The following ZC3H12B variants were observed in gnomAD, a reference collection of about 807,000 sequenced individuals.
The protein encoded by ZC3H12B is probable ribonuclease ZC3H12B.
ZC3H12B carries 7 observed loss-of-function variants against 43.9 expected under a neutral mutation model. That is an observed-to-expected ratio of 0.16 (90% CI 0.09 to 0.30). The LOEUF is 0.30. Among genes scored for constraint, ZC3H12B ranks in the 10% least tolerant of loss-of-function variants. The pLI is 1.00. For missense variants in ZC3H12B, 475 were observed against 670.2 expected (o/e 0.71, Z 3.22); for synonymous variants, 222 against 241.7 (o/e 0.92, Z 0.76).
chrX:65,177,489 GTC>G, the ZC3H12B span, among the ~76,000 whole-genome samples: 1 of 112,126 alleles, frequency 8.9e-6, no homozygotes, highest in East Asian at 2.8e-4. Flanking sequence ...AAGTCAAATT[GTC>G]TCTGTTTGCA....
At chrX:65,092,887 G>A in the ZC3H12B span, among the ~76,000 whole-genome samples, 32 of 112,142 alleles carry the variant, frequency 2.9e-4, 1 homozygote, top group South Asian at 1.5e-3. Context: ...TGAGGCAATT[G>A]CTGATAACCA....
At chrX:65,118,658 T>G in the ZC3H12B span, among the ~76,000 whole-genome samples, 1 of 110,390 alleles carries the variant, frequency 9.1e-6, no homozygotes, top group Non-Finnish European at 1.9e-5. Flanking sequence ...TTTTTTTTTG[T>G]TTTTTATTAT....
chrX:65,344,413 G>C, the ZC3H12B span, among the ~76,000 whole-genome samples: 5 of 111,495 alleles, frequency 4.5e-5, no homozygotes, highest in African/African-American at 1.6e-4. Context: ...CAGAAATAAG[G>C]CTGCACACCT....
At chrX:65,310,941 A>G in the ZC3H12B span, among the ~76,000 whole-genome samples, 2 of 112,451 alleles carry the variant, frequency 1.8e-5, no homozygotes, top group African/African-American at 6.5e-5. Context: ...CTGGCTAGCC[A>G]TATGTAGAAA....
At chrX:65,361,886 G>T (rs1437883941), upstream of ZC3H12B, among the ~76,000 whole-genome samples, 1 of 112,219 alleles carries the variant, frequency 8.9e-6, no homozygotes, top group Admixed American at 9.4e-5. Context: ...TGCCTCCACT[G>T]CGAGACAAAC....
chrX:65,385,777 C>G lies in ZC3H12B; in HGVS notation n.296-12816C>G, dbSNP rs190284663. On this transcript the variant is annotated intron_variant and non_coding_transcript_variant, in intron 2 of 5. Transcript: ENST00000617377. ...GCCTATTCAGTATGACATTGGCTGT[C>G]GGTTTGTCATAAATAGCTCTTATTA... Among the ~76,000 whole-genome samples, 23 of 111,570 alleles carry G rather than the reference C, an allele frequency of 2.1e-4. No homozygotes were observed. The East Asian group carries it at 4.8e-3, about 23-fold the overall frequency.
chrX:65,299,766 T>A, the ZC3H12B span, among the ~76,000 whole-genome samples: 7 of 112,151 alleles, frequency 6.2e-5, no homozygotes, highest in Admixed American at 6.6e-4. Flanking sequence ...GCTGAGAGAA[T>A]CCTCAGACCC....
chrX:65,300,384 C>T, the ZC3H12B span, among the ~76,000 whole-genome samples: 3 of 111,584 alleles, frequency 2.7e-5, no homozygotes, highest in African/African-American at 9.8e-5. Flanking sequence ...TGAGGCCTCT[C>T]CTGGCTTTCT....
chrX:65,147,594 A>C, the ZC3H12B span, among the ~76,000 whole-genome samples: 124 of 110,120 alleles, frequency 1.1e-3, no homozygotes, highest in South Asian at 5.1e-3. Flanking sequence ...TGGAGCTTGA[A>C]TCCATGTTTG....
At chrX:65,194,344 T>C in the ZC3H12B span, among the ~76,000 whole-genome samples, 1 of 108,795 alleles carries the variant, frequency 9.2e-6, no homozygotes, top group African/African-American at 3.3e-5. Context: ...TGTATACATA[T>C]GTAACTAACC....
chrX:65,090,205 T>C, the ZC3H12B span, among the ~76,000 whole-genome samples: 2 of 112,159 alleles, frequency 1.8e-5, no homozygotes, highest in Non-Finnish European at 3.8e-5. Flanking sequence ...TGCCTTGTGC[T>C]ACATTGTTGC....
intron 2 of ZC3H12B, among the ~76,000 whole-genome samples, chrX:65,392,023 T>G: frequency 9.0e-6 from 1 of 111,650 alleles, no homozygotes. Context: ...TGCCTCAGCC[T>G]CCCGAGGTGC....
chrX:65,056,702 CCATT>C, the ZC3H12B span, among the ~76,000 whole-genome samples: 1 of 110,781 alleles, frequency 9.0e-6, no homozygotes, highest in East Asian at 2.8e-4. Context: ...TTAAAATCTC[CCATT>C]ATTATTGTGT....
chrX:65,242,020 C>T, the ZC3H12B span, among the ~76,000 whole-genome samples: 58 of 111,294 alleles, frequency 5.2e-4, no homozygotes, highest in Middle Eastern at 4.6e-3. Context: ...TCTCCTTATC[C>T]GTGGGTTGCA....
intron 3 of ZC3H12B, among the ~76,000 whole-genome samples, chrX:65,448,937 A>AAAAG (rs1270686619): frequency 1.5e-4 from 4 of 26,855 alleles, no homozygotes; most frequent in African/African-American, 3.6e-4. Flanking sequence ...AAAGAGAAGG[A>AAAAG]AAAGAAAGAA....
At chrX:65,189,578 G>C in the ZC3H12B span, among the ~76,000 whole-genome samples, 4 of 105,871 alleles carry the variant, frequency 3.8e-5, 1 homozygote, top group African/African-American at 1.4e-4. Context: ...TGTGTTTTTT[G>C]GCTGCATAAA....
intron 2 of ZC3H12B, among the ~76,000 whole-genome samples, chrX:65,380,067 G>C (rs2066414096): frequency 8.9e-6 from 1 of 111,960 alleles, no homozygotes; most frequent in Admixed American, 9.5e-5. Flanking sequence ...CCCCAATCTA[G>C]CAAGGCAGGC....
At chrX:65,332,538 G>A in the ZC3H12B span, among the ~76,000 whole-genome samples, 8 of 111,444 alleles carry the variant, frequency 7.2e-5, no homozygotes, top group African/African-American at 2.6e-4. Flanking sequence ...GAACCAAGCT[G>A]ATATGGGGTT....
chrX:65,426,438 T>G (rs2067084830), intron 3 of ZC3H12B, among the ~76,000 whole-genome samples: 1 of 109,000 alleles, frequency 9.2e-6, no homozygotes, highest in Non-Finnish European at 1.9e-5. Flanking sequence ...GATTTGCTGA[T>G]TTTTTGAAAG....
Sources: gnomAD v4.1 joint callset for allele counts (sites outside exome capture counted in the v4.1 genomes callset) on GRCh38, gnomAD v4.1.1 for gene constraint, MANE v1.5 for transcripts, NCBI Gene and HGNC (gene_info 2026-07-23, HGNC 2026-07-21) for gene names.